STX11: variants seen among roughly 807,000 people sequenced by gnomAD.
STX11 encodes syntaxin-11.
In STX11, 21 loss-of-function variants were observed where a neutral mutation model predicts 19.9. That is an observed-to-expected ratio of 1.06 (90% CI 0.75 to 1.52). The LOEUF is 1.52. Among genes scored for constraint, STX11 ranks in the 40% most tolerant of loss-of-function variants. The pLI, the probability that STX11 is intolerant of heterozygous loss-of-function variation, is 0.00. For synonymous variants in STX11, 193 were observed against 174.4 expected (o/e 1.11, Z -0.84); for missense variants, 438 against 405.9 (o/e 1.08, Z -0.68).
the STX11 span, among the ~76,000 whole-genome samples, chr6:144,140,246 A>T: frequency 2.2e-4 from 10 of 45,586 alleles, no homozygotes; most frequent in African/African-American, 1.6e-3. Context: ...ATATATATAT[A>T]TATATATATT....
In STX11 at chr6:144,150,561, C is replaced by T. The variant is rs1176240445; in HGVS notation, c.-148C>T. 2 of 985,362 alleles carry T rather than the reference C, an allele frequency of 2.0e-6. No homozygotes were observed. Among genetic ancestry groups the T allele is most frequent in the African/African-American group, 3.5e-5 (2 of 57,244 alleles). The allele number at this position is 985,362 out of a possible 1,614,324, so 61.0% of individuals were successfully genotyped here. On this transcript the variant is annotated 5_prime_UTR_variant, in exon 1 of 2. Transcript: ENST00000367568. ...CGGAGCTCGGGCGGCCGTGGAGGAACTCAGCCTCGGCCGCAGGAGGCGCCG... is the reference window on the plus strand; with the variant it reads ...CGGAGCTCGGGCGGCCGTGGAGGAATTCAGCCTCGGCCGCAGGAGGCGCCG...
rs1222122461 is a variant in STX11, at chr6:144,184,716, A to G, written c.-5-1907A>G. Among the ~76,000 whole-genome samples the G allele has an allele frequency of 1.3e-5, 2 of 152,214 alleles. No homozygotes were observed. Among genetic ancestry groups the G allele is most frequent in the Non-Finnish European group, 2.9e-5 (2 of 68,026 alleles). ...GGCAGTACCTACTCATAGAATCTGT[A>G]TGAAGACTAAAGAGGGTATCACATG... On this transcript the variant is annotated intron_variant, in intron 1 of 1. Coordinates refer to ENST00000367568, the MANE Select transcript of STX11 (RefSeq NM_003764.4). This position sits in a 1 kb window ranked among gnomAD's most constrained non-coding sequence, Gnocchi z 6.5.
chr6:144,182,704 A>C lies in STX11; in HGVS notation c.-5-3919A>C, dbSNP rs1801937261. 6.6e-6 allele frequency among the ~76,000 whole-genome samples: 1 copy of C among 152,208 alleles called. No homozygotes were observed. The highest frequency in any genetic ancestry group is 1.5e-5 in the Non-Finnish European group (1 of 68,034). Reference sequence around the variant, plus strand: ...GCTGTAGGAGAGCAATACAGAGCACAGGACCTGTCTAGGATAAGCAGGATA... The same window carrying C: ...GCTGTAGGAGAGCAATACAGAGCACCGGACCTGTCTAGGATAAGCAGGATA... On this transcript the variant is annotated intron_variant, in intron 1 of 1. Coordinates refer to ENST00000367568, the MANE Select transcript of STX11 (RefSeq NM_003764.4). The surrounding 1 kb of genome is among the most constrained non-coding windows in gnomAD (Gnocchi z 4.8).
chr6:144,171,833 C>T (rs762596726), intron 1 of STX11, among the ~76,000 whole-genome samples: 27 of 152,058 alleles, frequency 1.8e-4, no homozygotes, highest in South Asian at 4.2e-4. Context: ...AAAATGTGTA[C>T]GCTTTATATT....
intron 1 of STX11, among the ~76,000 whole-genome samples, chr6:144,163,011 C>T (rs1014279244): frequency 6.6e-6 from 1 of 152,190 alleles, no homozygotes; most frequent in Non-Finnish European, 1.5e-5. Context: ...ATTCTGCATC[C>T]TTATTTAAAC....
chr6:144,163,579 G>C (rs1032623919), intron 1 of STX11, among the ~76,000 whole-genome samples: 1 of 152,066 alleles, frequency 6.6e-6, no homozygotes, highest in Non-Finnish European at 1.5e-5. Context: ...CTGGGCTCAA[G>C]TGATTCTCCC....
upstream of STX11, chr6:144,150,467 C>G: frequency 1.0e-6 from 1 of 981,094 alleles, no homozygotes; most frequent in Non-Finnish European, 1.2e-6. Flanking sequence ...GGGGCCTGGT[C>G]CCCAGCTGTG....
intron 1 of STX11, among the ~76,000 whole-genome samples, chr6:144,181,409 A>T (rs1801908247): frequency 6.6e-6 from 1 of 152,014 alleles, no homozygotes; most frequent in Non-Finnish European, 1.5e-5. Context: ...AGCTTGGCCA[A>T]CATGGTGAAA....
rs1390375568 is a variant in STX11, at chr6:144,152,038, T to C, written c.-6+1335T>C. Reference sequence around the variant, plus strand: ...TGCCAGCCTCTTCCCTGAACCTTGCTTGTACAACCATGAATAATAGGATCC... The same window carrying C: ...TGCCAGCCTCTTCCCTGAACCTTGCCTGTACAACCATGAATAATAGGATCC... On this transcript the variant is annotated intron_variant, in intron 1 of 1. Coordinates refer to ENST00000367568, the MANE Select transcript of STX11 (RefSeq NM_003764.4). The surrounding 1 kb of genome is among the most constrained non-coding windows in gnomAD (Gnocchi z 4.9). 6.6e-6 allele frequency among the ~76,000 whole-genome samples: 1 copy of C among 152,178 alleles called. No individual in the cohort carries two copies. Among genetic ancestry groups the C allele is most frequent in the Admixed American group, 6.5e-5 (1 of 15,280 alleles).
At chr6:144,178,569 G>A (rs993606609) in intron 1 of STX11, among the ~76,000 whole-genome samples, 5 of 152,182 alleles carry the variant, frequency 3.3e-5, no homozygotes, top group African/African-American at 9.7e-5. Context: ...ACTGAAAAGC[G>A]AATTATGTCA....
chr6:144,141,837 C>G, the STX11 span, among the ~76,000 whole-genome samples: 2 of 151,990 alleles, frequency 1.3e-5, no homozygotes, highest in African/African-American at 2.4e-5. Context: ...AACCACCACA[C>G]CTGGCTAATT....
rs1184328291 is a variant in STX11 at position 144,169,572 on chromosome 6, C to T, written c.-5-17051C>T. On this transcript the variant is annotated intron_variant, in intron 1 of 1. Coordinates refer to ENST00000367568, the MANE Select transcript of STX11 (RefSeq NM_003764.4). This position sits in a 1 kb window ranked among gnomAD's most constrained non-coding sequence, Gnocchi z 5.2. Reference sequence around the variant, plus strand: ...GGCTGATGGATCCACCCTTTCAATACATGATCAAGATCTTCATTTCTAGCT... The same window carrying T: ...GGCTGATGGATCCACCCTTTCAATATATGATCAAGATCTTCATTTCTAGCT... Among the ~76,000 whole-genome samples, 2 of 152,152 alleles carry T rather than the reference C, an allele frequency of 1.3e-5. No individual in the cohort carries two copies. The highest frequency in any genetic ancestry group is 4.8e-5 in the African/African-American group (2 of 41,436).
chr6:144,140,614 T>A, the STX11 span: 1 of 310,896 alleles, frequency 3.2e-6, no homozygotes, highest in Non-Finnish European at 4.7e-6. Context: ...TTTCAAATTT[T>A]CTTCAGGGTC....
rs1014860300 is a variant in STX11 at position 144,184,192 on chromosome 6, A to G, written c.-5-2431A>G. Among the ~76,000 whole-genome samples the G allele has an allele frequency of 7.9e-5, 12 of 152,222 alleles. No individual in the cohort carries two copies. The highest frequency in any genetic ancestry group is 2.7e-4 in the African/African-American group (11 of 41,460). ...ATGTGTCTTTATAATAGAATGATTT[A>G]TATTCCTTTGGGTATATACCCAGTA... On this transcript the variant is annotated intron_variant, in intron 1 of 1. Coordinates refer to ENST00000367568, the MANE Select transcript of STX11 (RefSeq NM_003764.4). This position sits in a 1 kb window ranked among gnomAD's most constrained non-coding sequence, Gnocchi z 6.5.
At position 144,190,154 on chromosome 6, in the gene STX11, T is replaced by C. The variant is rs1393531544; in HGVS notation, c.*2663T>C. ...ACCTATAGGGAAAGAACACTTCTTCTTCCTGCTGTTTGGGAACCATCTCAG... is the reference window on the plus strand; with the variant it reads ...ACCTATAGGGAAAGAACACTTCTTCCTCCTGCTGTTTGGGAACCATCTCAG... On this transcript the variant is annotated 3_prime_UTR_variant, in exon 2 of 2. Transcript: ENST00000367568. Among the ~76,000 whole-genome samples the C allele has an allele frequency of 6.6e-6, 1 of 152,202 alleles. No homozygotes were observed. Among genetic ancestry groups the C allele is most frequent in the African/African-American group, 2.4e-5 (1 of 41,458 alleles).
chr6:144,150,254 G>C (rs1005956439), upstream of STX11, among the ~76,000 whole-genome samples: 1 of 152,256 alleles, frequency 6.6e-6, no homozygotes, highest in Non-Finnish European at 1.5e-5. Flanking sequence ...ACCAGAGGAC[G>C]AGCGGAGGAA....
In STX11 at chr6:144,166,381, C is replaced by T. The variant is rs376572104; in HGVS notation, c.-6+15678C>T. ...AGATGCTTCAAGATTTTCACAATCT[C>T]TGGGACGTGTGGAATTGGGGTAACC... On this transcript the variant is annotated intron_variant, in intron 1 of 1. Coordinates refer to ENST00000367568, the MANE Select transcript of STX11 (RefSeq NM_003764.4). Among the ~76,000 whole-genome samples the T allele has an allele frequency of 4.6e-5, 7 of 152,170 alleles. No individual in the cohort carries two copies. In the East Asian group the frequency reaches 1.2e-3, roughly 25 times the overall value.
At position 144,151,607 on chromosome 6, in the gene STX11, T is replaced by A. The variant is rs1004288205; in HGVS notation, c.-6+904T>A. 4.6e-5 allele frequency among the ~76,000 whole-genome samples: 7 copies of A among 152,240 alleles called. No homozygotes were observed. The highest frequency in any genetic ancestry group is 1.7e-4 in the African/African-American group (7 of 41,456). On this transcript the variant is annotated intron_variant, in intron 1 of 1. Transcript: ENST00000367568. This position sits in a 1 kb window ranked among gnomAD's most constrained non-coding sequence, Gnocchi z 4.6. ...GTTACAACATGCCAGTAAAGGTCAC[T>A]GGGCTGATCTAAGATAACCATTGAA...
intron 1 of STX11, 110 bp from the exon 2 acceptor site, chr6:144,186,513 C>A: frequency 7.2e-7 from 1 of 1,388,292 alleles, no homozygotes; most frequent in East Asian, 2.4e-5. Flanking sequence ...TTGCCCACAC[C>A]GAGGAATACA....
Sources: gnomAD v4.1 joint callset for allele counts (sites outside exome capture counted in the v4.1 genomes callset) on GRCh38, gnomAD v4.1.1 for gene constraint, Gnocchi (gnomAD v3.1) non-coding constraint, MANE v1.5 for transcripts, NCBI Gene and HGNC (gene_info 2026-07-23, HGNC 2026-07-21) for gene names.